Variants in CARS1 observed in about 807,000 individuals in gnomAD.
CARS1 encodes the protein cysteinyl-tRNA synthetase 1, also known as cysteine--tRNA ligase, cytoplasmic.
CARS1 carries 48 observed loss-of-function variants against 106.2 expected under a neutral mutation model. The observed-to-expected ratio is 0.45, with a 90% CI of 0.36 to 0.57. The LOEUF (loss-of-function observed/expected upper bound fraction) is 0.57. Among genes scored for constraint, CARS1 ranks in the 20% least tolerant of loss-of-function variants. CARS1 has a pLI of 0.00. For missense variants in CARS1, 968 were observed against 1,057.2 expected (o/e 0.92, Z 1.17); for synonymous variants, 409 against 403.4 (o/e 1.01, Z -0.17).
At position 3,040,712 on chromosome 11, in the gene CARS1, C is replaced by T. The variant is rs1022944692; in HGVS notation, c.455+184G>A. 4.4e-6 allele frequency: 3 copies of T among 678,012 alleles called. No homozygotes were observed. Among genetic ancestry groups the T allele is most frequent in the African/African-American group, 1.8e-5 (1 of 55,346 alleles). 42.0% of individuals were successfully genotyped at this position (678,012 alleles called of 1,614,324 possible). On this transcript the variant is annotated intron_variant, in intron 4 of 22. Transcript: ENST00000380525. This position sits in a 1 kb window ranked among gnomAD's most constrained non-coding sequence, Gnocchi z 5.8. ...GTCTTTCTGCAGTGAATATAGATTA[C>T]TTATGGCATTAAAATTTTCATCTTA...
rs757473741 is a variant in CARS1 at position 3,038,113 on chromosome 11, T to C, written c.738A>G (p.Thr246=). ...ACTGCACAGCTTTCTCAAGTGGCTC[T>C]GTGGCAAGCTGCACTGCGTGCTGAA... is the stretch of plus-strand genomic sequence containing the variant. ...ERIQHAVQLA[T]EPLEKAVQSR... is the part of the protein sequence containing the mutation. The change falls in exon 7 of 23, where the codon ACA becomes ACG. Residue 246 remains threonine (T), a synonymous_variant. Transcript: ENST00000380525. This position sits in a 1 kb window ranked among gnomAD's most constrained non-coding sequence, Gnocchi z 4.0. 5.6e-6 allele frequency: 9 copies of C among 1,614,096 alleles called. No homozygotes were observed. In the African/African-American group the frequency reaches 8.0e-5, roughly 14 times the overall value.
rs1852375025 is a variant in CARS1, at chr11:3,028,708, C to T, written c.1031+288G>A. 2 of 467,270 alleles carry T rather than the reference C, an allele frequency of 4.3e-6. No individual in the cohort carries two copies. The highest frequency in any genetic ancestry group is 4.0e-5 in the South Asian group (1 of 25,158). 28.9% of individuals were successfully genotyped at this position (467,270 alleles called of 1,614,324 possible). ...CTGTGAAGGCCCAGCAGTATTCGCA[C>T]TCACCATTATGCAGCTCTGGGGCCC... On this transcript the variant is annotated intron_variant, in intron 9 of 22. Coordinates refer to ENST00000380525, the MANE Select transcript of CARS1 (RefSeq NM_001014437.3). The surrounding 1 kb of genome is among the most constrained non-coding windows in gnomAD (Gnocchi z 4.4).
rs985388150 is a variant in CARS1, at chr11:3,037,958, A to G, written c.801+92T>C. 3 of 1,278,774 alleles carry G rather than the reference A, an allele frequency of 2.3e-6. No homozygotes were observed. Among genetic ancestry groups the G allele is most frequent in the Non-Finnish European group, 3.3e-6 (3 of 917,124 alleles). 79.2% of individuals were successfully genotyped at this position (1,278,774 alleles called of 1,614,324 possible). A position where few individuals can be genotyped will look rare whatever the true frequency, so the allele number is the denominator to read the frequency against. On this transcript the variant is annotated intron_variant, in intron 7 of 22. Coordinates refer to ENST00000380525, the MANE Select transcript of CARS1 (RefSeq NM_001014437.3). This position sits in a 1 kb window ranked among gnomAD's most constrained non-coding sequence, Gnocchi z 5.9. The stretch of plus-strand genomic sequence containing the variant: ...ACACAGAGTGTCTTCCACTAAGACA[A>G]TCTGTGGAATCAATCCGTGCACACA...
chr11:3,054,714 G>A lies in CARS1; in HGVS notation c.25+2629C>T, dbSNP rs370761504. ...AGGATTCTCATCTGTACAAGATGCC[G>A]GCAGGATCTTCCTCAAAGGGGTTCC... On this transcript the variant is annotated intron_variant, in intron 1 of 22. Transcript: ENST00000380525. Among the ~76,000 whole-genome samples the A allele has an allele frequency of 5.9e-5, 9 of 152,330 alleles. No individual in the cohort carries two copies. The South Asian group carries it at 1.0e-3, about 18-fold the overall frequency.
intron 2 of CARS1, 173 bp from the exon 3 acceptor site, chr11:3,042,429 TC>T: frequency 1.8e-6 from 1 of 563,096 alleles, no homozygotes; most frequent in Non-Finnish European, 3.1e-6. Flanking sequence ...GACAACTGCG[TC>T]TTTTTTTTTT....
Position 3,017,119 on chromosome 11 carries a change from G to A in CARS1, c.1904C>T (p.Thr635Ile), listed in dbSNP as rs528055256. The A allele has an allele frequency of 4.3e-6, 7 of 1,613,604 alleles. No homozygotes were observed. In the South Asian group the frequency reaches 7.7e-5, roughly 18 times the overall value. The stretch of plus-strand genomic sequence containing the variant: ...GGCCTGGCTTACCTTCAGCATATGG[G>A]TGAGGTACAGGGCGATGTTCTCCAG... ...ALLENIALYL[T>I]HMLKIFGAVE... is the part of the protein sequence containing the mutation. Residue 635 changes from threonine (T) to isoleucine (I), a missense_variant, in exon 16 of 23, where the codon ACC becomes ATC. Physicochemically the swap from Thr to Ile is moderately conservative, Grantham distance 89. Coordinates refer to ENST00000380525, the MANE Select transcript of CARS1 (RefSeq NM_001014437.3). This position sits in a 1 kb window ranked among gnomAD's most constrained non-coding sequence, Gnocchi z 4.9.
At chr11:3,016,603 T>C (rs1239689710) in intron 16 of CARS1, among the ~76,000 whole-genome samples, 1 of 152,114 alleles carries the variant, frequency 6.6e-6, no homozygotes. Flanking sequence ...TAAGGACAAC[T>C]ATATGGATGT....
At chr11:3,055,266 T>C (rs1856086433) in intron 1 of CARS1, among the ~76,000 whole-genome samples, 2 of 152,168 alleles carry the variant, frequency 1.3e-5, no homozygotes, top group Non-Finnish European at 2.9e-5. Context: ...GTTCACATCA[T>C]TCTCCGGCCT....
chr11:3,017,824 C>A lies in CARS1; in HGVS notation c.1727+33G>T. ...AGGCTAGGCATAGAACATGGGCATG[C>A]TCAAAAACCCCAAAGAAATGGCACC... On this transcript the variant is annotated intron_variant, in intron 15 of 22. Coordinates refer to ENST00000380525, the MANE Select transcript of CARS1 (RefSeq NM_001014437.3). This position sits in a 1 kb window ranked among gnomAD's most constrained non-coding sequence, Gnocchi z 4.9. The A allele has an allele frequency of 6.8e-7, 1 of 1,480,448 alleles. No individual in the cohort carries two copies. The highest frequency in any genetic ancestry group is 9.4e-7 in the Non-Finnish European group (1 of 1,058,962). The allele number at this position is 1,480,448 out of a possible 1,614,324, so 91.7% of individuals were successfully genotyped here. A position where few individuals can be genotyped will look rare whatever the true frequency, so the allele number is the denominator to read the frequency against.
chr11:3,038,453 T>A lies in CARS1; in HGVS notation c.652-254A>T, dbSNP rs1300420772. The stretch of plus-strand genomic sequence containing the variant: ...CCTCTCTGTGCCTCAGTTTCTCCAA[T>A]GCAAATTGGGTGTGAGAGCAGTATT... On this transcript the variant is annotated intron_variant, in intron 6 of 22. Coordinates refer to ENST00000380525, the MANE Select transcript of CARS1 (RefSeq NM_001014437.3). The surrounding 1 kb of genome is among the most constrained non-coding windows in gnomAD (Gnocchi z 4.0). 6.6e-6 allele frequency among the ~76,000 whole-genome samples: 1 copy of A among 152,142 alleles called. No individual in the cohort carries two copies. Among genetic ancestry groups the A allele is most frequent in the Non-Finnish European group, 1.5e-5 (1 of 68,024 alleles).
At position 3,017,257 on chromosome 11, in the gene CARS1, C is replaced by G. The variant is rs776717385; in HGVS notation, c.1766G>C (p.Cys589Ser). ...GACGGTGCGGGTGTCAACATTGTCA[C>G]AGAGGGCTTTGTGAATTGCTGTCTT... ...DKKTAIHKALCDNVDTRTVME... is the reference protein window; with the variant it reads ...DKKTAIHKALSDNVDTRTVME... The change falls in exon 16 of 23, where the codon TGT becomes TCT. Residue 589 changes from cysteine (C) to serine (S), a missense_variant. By Grantham distance (112) the Cys-to-Ser change is moderately radical (BLOSUM62 -1). Coordinates refer to ENST00000380525, the MANE Select transcript of CARS1 (RefSeq NM_001014437.3). This position sits in a 1 kb window ranked among gnomAD's most constrained non-coding sequence, Gnocchi z 4.9. 1 of 1,614,128 alleles carries G rather than the reference C, an allele frequency of 6.2e-7. No individual in the cohort carries two copies. Among genetic ancestry groups the G allele is most frequent in the South Asian group, 1.1e-5 (1 of 91,078 alleles).
At chr11:3,015,937 G>A (rs1850947718) in intron 16 of CARS1, 88 bp from the exon 17 acceptor site, 6 of 1,113,536 alleles carry the variant, frequency 5.4e-6, no homozygotes, top group African/African-American at 1.5e-5. Flanking sequence ...CCTCGTTCAC[G>A]GGAGGGGGTG....
At chr11:3,005,340 G>C (rs933181) in intron 20 of CARS1, 26 bp downstream of exon 20, 22 of 1,539,500 alleles carry the variant, frequency 1.4e-5, no homozygotes, top group Middle Eastern at 1.7e-4. Flanking sequence ...CAAATATCAC[G>C]CTTAAGTCAT....
chr11:3,042,873 C>T (rs559559103), intron 2 of CARS1, among the ~76,000 whole-genome samples: 1 of 152,344 alleles, frequency 6.6e-6, no homozygotes, highest in East Asian at 1.9e-4. Context: ...GCAGAAAGGA[C>T]CCCCTGTGGC....
At position 3,046,131 on chromosome 11, in the gene CARS1, C is replaced by T. The variant is rs1429758488; in HGVS notation, c.274+1622G>A. Among the ~76,000 whole-genome samples, 1 of 152,198 alleles carries T rather than the reference C, an allele frequency of 6.6e-6. No homozygotes were observed. The highest frequency in any genetic ancestry group is 1.5e-5 in the Non-Finnish European group (1 of 68,032). ...AACTCCATTAGTGCTATCCATGGTC[C>T]ATTCTGTTACACAGCAACGTGGCTC... On this transcript the variant is annotated intron_variant, in intron 2 of 22. Transcript: ENST00000380525. This position sits in a 1 kb window ranked among gnomAD's most constrained non-coding sequence, Gnocchi z 5.8.
chr11:3,054,948 A>G (rs961980558), intron 1 of CARS1: 1 of 702,642 alleles, frequency 1.4e-6, no homozygotes, highest in South Asian at 1.5e-5. Flanking sequence ...CATCTACCCC[A>G]GAAACCTCAG....
Position 3,017,601 on chromosome 11 carries a change from C to T in CARS1, c.1727+256G>A, listed in dbSNP as rs1033328085. ...GAGGTTGTGGTGAGCCGAGATCACG[C>T]CACTGCACTCCAGCCTGGGCAACAA... is the stretch of plus-strand genomic sequence containing the variant. On this transcript the variant is annotated intron_variant, in intron 15 of 22. Coordinates refer to ENST00000380525, the MANE Select transcript of CARS1 (RefSeq NM_001014437.3). This position sits in a 1 kb window ranked among gnomAD's most constrained non-coding sequence, Gnocchi z 4.9. 9 of 564,972 alleles carry T rather than the reference C, an allele frequency of 1.6e-5. No homozygotes were observed. The highest frequency in any genetic ancestry group is 2.5e-5 in the Non-Finnish European group (8 of 319,854). The allele number at this position is 564,972 out of a possible 1,614,324, so 35.0% of individuals were successfully genotyped here. A position where few individuals can be genotyped will look rare whatever the true frequency, so the allele number is the denominator to read the frequency against.
In CARS1 at chr11:3,052,553, A is replaced by G. The variant is rs1293904439; in HGVS notation, c.26-4552T>C. 6.6e-6 allele frequency among the ~76,000 whole-genome samples: 1 copy of G among 152,160 alleles called. No homozygotes were observed. Among genetic ancestry groups the G allele is most frequent in the Non-Finnish European group, 1.5e-5 (1 of 68,046 alleles). The stretch of plus-strand genomic sequence containing the variant: ...ATCTGCCTTGATCTTGGATCACATA[A>G]TTCTTAAATGTACCGTCTAGAGCAG... On this transcript the variant is annotated intron_variant, in intron 1 of 22. Transcript: ENST00000380525. This position sits in a 1 kb window ranked among gnomAD's most constrained non-coding sequence, Gnocchi z 4.6.
chr11:3,002,926 C>T (rs142119536), intron 20 of CARS1, among the ~76,000 whole-genome samples: 4 of 152,326 alleles, frequency 2.6e-5, no homozygotes, highest in African/African-American at 9.6e-5. Flanking sequence ...GCATGGTGAG[C>T]CTGGCCCAAG....
Sources: allele counts gnomAD v4.1 joint callset (sites outside exome capture counted in the v4.1 genomes callset), GRCh38; gene constraint gnomAD v4.1.1; non-coding constraint Gnocchi (gnomAD v3.1); transcripts MANE v1.5; gene names NCBI Gene and HGNC (gene_info 2026-07-23, HGNC 2026-07-21).